CDH12: variants seen among roughly 807,000 people sequenced by gnomAD.
The protein encoded by CDH12 is cadherin 12, also known as cadherin-12.
In CDH12, 41 loss-of-function variants were observed where a neutral mutation model predicts 74.1. That is an observed-to-expected ratio of 0.55 (90% CI 0.43 to 0.72). The LOEUF (loss-of-function observed/expected upper bound fraction) is 0.72. Ranked by LOEUF, CDH12 falls within the 30% of genes least tolerant of loss-of-function variation. The pLI, the probability that CDH12 is intolerant of heterozygous loss-of-function variation, is 0.00. For synonymous variants in CDH12, 399 were observed against 355.0 expected, an observed-to-expected ratio of 1.12 and a Z score of -1.39; for missense variants, 945 against 977.2, an observed-to-expected ratio of 0.97 and a Z score of 0.44.
chr5:22,028,490 G>A (rs1314090432), intron 5 of CDH12, among the ~76,000 whole-genome samples: 11 of 152,054 alleles, frequency 7.2e-5, no homozygotes, highest in Admixed American at 3.9e-4. Context: ...GAGCCAAATC[G>A]TGAGTGAACT....
chr5:22,102,800 A>G (rs1462273629), intron 4 of CDH12, among the ~76,000 whole-genome samples: 1 of 152,146 alleles, frequency 6.6e-6, no homozygotes, highest in African/African-American at 2.4e-5. Context: ...TAATGCAGCT[A>G]TCTCCAGAGT....
chr5:22,568,308 A>T (rs1739385020), intron 1 of CDH12, among the ~76,000 whole-genome samples: 1 of 152,224 alleles, frequency 6.6e-6, no homozygotes, highest in Admixed American at 6.5e-5. Flanking sequence ...GCTTATAAAA[A>T]GTATATGATT....
chr5:22,041,004 T>C (rs1739535964), intron 5 of CDH12, among the ~76,000 whole-genome samples: 1 of 152,064 alleles, frequency 6.6e-6, no homozygotes, highest in Admixed American at 6.5e-5. Flanking sequence ...TAGCAATAGC[T>C]ACAATAACTT....
At chr5:22,252,786 G>C (rs35363607) in intron 3 of CDH12, among the ~76,000 whole-genome samples, 1 of 151,358 alleles carries the variant, frequency 6.6e-6, no homozygotes, top group South Asian at 2.1e-4. Flanking sequence ...TAAATCTTCC[G>C]ATCTATGAAG....
At chr5:22,428,419 TTA>T (rs1744033353) in intron 2 of CDH12, among the ~76,000 whole-genome samples, 1 of 151,900 alleles carries the variant, frequency 6.6e-6, no homozygotes, top group Non-Finnish European at 1.5e-5. Flanking sequence ...TTCCAAAATT[TTA>T]TAGAGGAATA....
In CDH12 at chr5:22,048,315, A is replaced by T. The variant is rs6864015; in HGVS notation, c.231+30131T>A. On this transcript the variant is annotated intron_variant, in intron 5 of 14. Coordinates refer to ENST00000382254, the MANE Select transcript of CDH12 (RefSeq NM_004061.5). ...GCAAAAGGTAAAAAGACTTCAAAAG[A>T]AATTGAGATAGAGTACTGATGATGC... 9.0e-3 allele frequency among the ~76,000 whole-genome samples: 1,373 copies of T among 152,318 alleles called. 11 individuals carry two copies. The highest frequency in any genetic ancestry group is 0.031 in the African/African-American group (1,309 of 41,564).
chr5:22,730,991 A>G (rs1382566897), intron 1 of CDH12, among the ~76,000 whole-genome samples: 1 of 151,810 alleles, frequency 6.6e-6, no homozygotes, highest in African/African-American at 2.4e-5. Context: ...TGTTGCTAAG[A>G]ATAAGGACGT....
intron 6 of CDH12, among the ~76,000 whole-genome samples, chr5:21,951,190 G>A (rs1326439619): frequency 6.6e-6 from 1 of 151,994 alleles, no homozygotes; most frequent in Non-Finnish European, 1.5e-5. Flanking sequence ...ATACGATTAA[G>A]CAAGTATCAT....
At chr5:22,153,466 G>A (rs1276917638) in intron 4 of CDH12, among the ~76,000 whole-genome samples, 1 of 151,708 alleles carries the variant, frequency 6.6e-6, no homozygotes, top group East Asian at 2.0e-4. Context: ...ATGCTCTGAG[G>A]CTCTATGAAA....
intron 3 of CDH12, among the ~76,000 whole-genome samples, chr5:22,269,115 G>T (rs972405758): frequency 7.2e-5 from 11 of 152,092 alleles, no homozygotes; most frequent in African/African-American, 2.4e-4. Context: ...CTTTCTGAGA[G>T]TATGGAGGAA....
At chr5:22,433,490 T>C (rs991508413) in intron 2 of CDH12, among the ~76,000 whole-genome samples, 10 of 151,990 alleles carry the variant, frequency 6.6e-5, no homozygotes, top group African/African-American at 2.4e-4. Flanking sequence ...ATTCACAATC[T>C]GATAAATTCA....
chr5:22,422,706 T>C (rs1743707906), intron 2 of CDH12, among the ~76,000 whole-genome samples: 1 of 152,136 alleles, frequency 6.6e-6, no homozygotes, highest in Admixed American at 6.6e-5. Flanking sequence ...AGCTCAAATT[T>C]TGTCATTGGC....
At chr5:21,983,024 A>T (rs1025704167) in intron 5 of CDH12, among the ~76,000 whole-genome samples, 1 of 152,116 alleles carries the variant, frequency 6.6e-6, no homozygotes, top group Non-Finnish European at 1.5e-5. Flanking sequence ...AAACAAGAAC[A>T]TCTGCACAAT....
intron 5 of CDH12, among the ~76,000 whole-genome samples, chr5:22,054,015 A>G (rs1312141465): frequency 6.6e-6 from 1 of 152,100 alleles, no homozygotes; most frequent in Non-Finnish European, 1.5e-5. Context: ...CTAGAAGTTG[A>G]AGAACACGAC....
chr5:21,886,570 T>G (rs981260437), intron 6 of CDH12, among the ~76,000 whole-genome samples: 4 of 147,300 alleles, frequency 2.7e-5, no homozygotes, highest in Admixed American at 6.8e-5. Flanking sequence ...AATATAAAAT[T>G]TATTATATAT....
intron 3 of CDH12, among the ~76,000 whole-genome samples, chr5:22,315,164 G>A (rs1174386275): frequency 6.7e-5 from 8 of 119,704 alleles, no homozygotes; most frequent in African/African-American, 2.5e-4. Flanking sequence ...GGGTTTCACC[G>A]TGTTAGCCGG....
At chr5:22,462,867 T>C (rs1315207567) in intron 2 of CDH12, among the ~76,000 whole-genome samples, 1 of 152,172 alleles carries the variant, frequency 6.6e-6, no homozygotes, top group African/African-American at 2.4e-5. Context: ...TAAACACTGT[T>C]AATTTAGTTA....
chr5:22,169,357 C>T (rs1193708357), intron 4 of CDH12, among the ~76,000 whole-genome samples: 1 of 152,044 alleles, frequency 6.6e-6, no homozygotes, highest in Non-Finnish European at 1.5e-5. Flanking sequence ...TTCTTCCTTA[C>T]AGTTGAGAAA....
chr5:22,108,386 C>G (rs1744614778), intron 4 of CDH12, among the ~76,000 whole-genome samples: 1 of 152,112 alleles, frequency 6.6e-6, no homozygotes, highest in Non-Finnish European at 1.5e-5. Flanking sequence ...TTATCAGCAG[C>G]ATGAAAACAG....
Sources: allele counts gnomAD v4.1 joint callset (sites outside exome capture counted in the v4.1 genomes callset), GRCh38; gene constraint gnomAD v4.1.1; transcripts MANE v1.5; gene names NCBI Gene and HGNC (gene_info 2026-07-23, HGNC 2026-07-21).